Variants in TMEM114 observed in about 807,000 individuals in gnomAD.
TMEM114 encodes claudin-26.
In TMEM114, 6 loss-of-function variants were observed where a neutral mutation model predicts 6.2. The ratio of observed to expected loss-of-function variants is 0.97; its 90% CI spans 0.53 to 1.91. The LOEUF is 1.91. Among genes scored for constraint, TMEM114 ranks in the 40% most tolerant of loss-of-function variants. TMEM114 has a pLI of 0.01. For missense variants in TMEM114, 218 were observed against 158.3 expected, an observed-to-expected ratio of 1.38 and a Z score of -2.02; for synonymous variants, 104 against 73.0, an observed-to-expected ratio of 1.42 and a Z score of -2.16.
the TMEM114 span, among the ~76,000 whole-genome samples, chr16:8,529,710 G>C: frequency 2.7e-5 from 4 of 150,874 alleles, no homozygotes. Flanking sequence ...CTGGACACTG[G>C]AATTCTTAAA....
At chr16:8,563,243 G>A (rs945228293) in intron 2 of TMEM114, among the ~76,000 whole-genome samples, 2 of 151,842 alleles carry the variant, frequency 1.3e-5, no homozygotes, top group African/African-American at 2.4e-5. Context: ...GTGAGTGAAT[G>A]AGTCAGTGAG....
At chr16:8,568,698 C>T (rs567585836), downstream of TMEM114, among the ~76,000 whole-genome samples, 3 of 152,224 alleles carry the variant, frequency 2.0e-5, no homozygotes, top group East Asian at 5.8e-4. Flanking sequence ...AAAGGCTCCT[C>T]GGGCCCTCCC....
At chr16:8,556,469 C>T (rs953717751) in intron 2 of TMEM114, among the ~76,000 whole-genome samples, 2 of 152,068 alleles carry the variant, frequency 1.3e-5, no homozygotes, top group Non-Finnish European at 2.9e-5. Flanking sequence ...TACTGAATGC[C>T]ACTGAGTTGT....
chr16:8,569,815 G>C lies in TMEM114; in HGVS notation c.630C>G (p.Ala210=). 1.9e-6 allele frequency: 3 copies of C among 1,550,906 alleles called. No homozygotes were observed. The highest frequency in any genetic ancestry group is 2.4e-5 in the East Asian group (1 of 40,898). Residue 210 remains alanine, a synonymous_variant, in exon 4 of 4, where the codon GCC becomes GCG. Transcript: ENST00000620492. ...GCCTCCGTCTCAGGCTGAGCTCGCG[G>C]GCTGCTGCCAGGAAGGCTGCCCCGG... ...LLTGAAFLAA[A]RELSLRRRQD...
At chr16:8,574,130 A>G (rs1901834412) in intron 2 of TMEM114, among the ~76,000 whole-genome samples, 1 of 152,144 alleles carries the variant, frequency 6.6e-6, no homozygotes, top group Non-Finnish European at 1.5e-5. Flanking sequence ...AAGAATATAG[A>G]CGTCAGAGCC....
At position 8,547,815 on chromosome 16, in the gene TMEM114, C is replaced by A. The variant is rs77724365; in HGVS notation, n.213-9989G>T. 2.4e-4 allele frequency among the ~76,000 whole-genome samples: 37 copies of A among 152,264 alleles called. No individual in the cohort carries two copies. The East Asian group carries it at 5.4e-3, about 22-fold the overall frequency. ...GACCACAGTCATGGTTATTTAATTA[C>A]CATGAGAGACTCTCATCAGGATACC... On this transcript the variant is annotated intron_variant and non_coding_transcript_variant, in intron 2 of 2. Transcript: ENST00000623677.
the TMEM114 span, among the ~76,000 whole-genome samples, chr16:8,526,944 G>A: frequency 2.0e-4 from 30 of 152,250 alleles, no homozygotes; most frequent in African/African-American, 2.2e-4. Context: ...ACGGTGGCTC[G>A]TGCCTGTAAT....
intron 2 of TMEM114, among the ~76,000 whole-genome samples, chr16:8,580,435 C>A (rs35004045): frequency 6.7e-6 from 1 of 149,392 alleles, no homozygotes; most frequent in Non-Finnish European, 1.5e-5. Context: ...TGCAGTGAGG[C>A]GAGATCACAC....
In TMEM114 at chr16:8,572,211, T is replaced by C; in HGVS notation, c.315A>G (p.Thr105=). 3.9e-6 allele frequency: 6 copies of C among 1,551,678 alleles called. No individual in the cohort carries two copies. Among genetic ancestry groups the C allele is most frequent in the Non-Finnish European group, 5.2e-6 (6 of 1,147,008 alleles). ...SSRQLLTMHG[T]FVILLPLSLI... ...GGCTGAGCGGCAGCAGAATCACAAA[T>C]GTCCCATGCATGGCTTAGAAGAGAC... The change falls in exon 3 of 4, where the codon ACA becomes ACG. Residue 105 remains threonine, a synonymous_variant. Transcript: ENST00000620492.
intron 2 of TMEM114, among the ~76,000 whole-genome samples, chr16:8,555,344 C>T (rs999782272): frequency 2.0e-5 from 3 of 152,176 alleles, no homozygotes; most frequent in Non-Finnish European, 4.4e-5. Context: ...GCAGGGCTAC[C>T]CCACAGGCAA....
intron 2 of TMEM114, among the ~76,000 whole-genome samples, chr16:8,542,962 T>C (rs139610924): frequency 1.0e-3 from 158 of 152,316 alleles, no homozygotes; most frequent in Non-Finnish European, 2.0e-3. Flanking sequence ...ATAATTACCC[T>C]ACAAGCAACA....
intron 2 of TMEM114, among the ~76,000 whole-genome samples, chr16:8,564,020 A>T (rs1901408979): frequency 6.6e-6 from 1 of 151,402 alleles, no homozygotes. Context: ...TGAGTATGTG[A>T]ATGAGTAAAT....
At chr16:8,557,941 A>G (rs759706256) in intron 2 of TMEM114, among the ~76,000 whole-genome samples, 10 of 152,164 alleles carry the variant, frequency 6.6e-5, no homozygotes, top group Non-Finnish European at 1.3e-4. Flanking sequence ...TTCTCTCACA[A>G]TTCTGAAGGT....
downstream of TMEM114, among the ~76,000 whole-genome samples, chr16:8,534,428 G>A (rs1462878876): frequency 6.6e-6 from 1 of 152,164 alleles, no homozygotes; most frequent in Non-Finnish European, 1.5e-5. Flanking sequence ...GTGAGAAGTG[G>A]GAGCAGGTGG....
intron 2 of TMEM114, among the ~76,000 whole-genome samples, chr16:8,547,317 C>T (rs180845333): frequency 3.9e-5 from 6 of 152,158 alleles, no homozygotes; most frequent in Admixed American, 6.5e-5. Flanking sequence ...ATTTTGTCTC[C>T]GTGGAGGCCC....
At chr16:8,533,479 G>T (rs145205646), downstream of TMEM114, among the ~76,000 whole-genome samples, 1 of 152,174 alleles carries the variant, frequency 6.6e-6, no homozygotes, top group African/African-American at 2.4e-5. Context: ...GGTTCATGTC[G>T]GAGCCTTTGA....
intron 2 of TMEM114, among the ~76,000 whole-genome samples, chr16:8,544,942 C>CTCTCTCTCTCT (rs59240282): frequency 6.6e-6 from 1 of 151,776 alleles, no homozygotes; most frequent in African/African-American, 2.4e-5. Context: ...CTCTCTCTCT[C>CTCTCTCTCTCT]CACCTCCCCC....
chr16:8,528,796 A>G, the TMEM114 span, among the ~76,000 whole-genome samples: 29 of 152,356 alleles, frequency 1.9e-4, no homozygotes, highest in South Asian at 5.8e-3. Context: ...CCTTCTGGCC[A>G]TCACTCACTG....
downstream of TMEM114, among the ~76,000 whole-genome samples, chr16:8,567,172 G>T (rs183459847): frequency 1.3e-5 from 2 of 151,996 alleles, no homozygotes; most frequent in African/African-American, 4.8e-5. Flanking sequence ...GCATCCCAAA[G>T]TGCTGGGATT....
Sources: allele counts gnomAD v4.1 joint callset (sites outside exome capture counted in the v4.1 genomes callset), GRCh38; gene constraint gnomAD v4.1.1; transcripts MANE v1.5; gene names NCBI Gene and HGNC (gene_info 2026-07-23, HGNC 2026-07-21).